The following EEFSEC variants were observed in gnomAD, a reference collection of about 807,000 sequenced individuals.
EEFSEC encodes the protein eukaryotic elongation factor, selenocysteine-tRNA specific, also known as selenocysteine-specific elongation factor.
EEFSEC carries 43 observed loss-of-function variants against 42.1 expected under a neutral mutation model. The ratio of observed to expected loss-of-function variants is 1.02; its 90% CI spans 0.80 to 1.32. The LOEUF is 1.32. Among genes scored for constraint, EEFSEC ranks in the 40% most tolerant of loss-of-function variants. The pLI, the probability that EEFSEC is intolerant of heterozygous loss-of-function variation, is 0.00. For synonymous variants in EEFSEC, 354 were observed against 339.1 expected, an observed-to-expected ratio of 1.04 and a Z score of -0.48; for missense variants, 745 against 803.6, an observed-to-expected ratio of 0.93 and a Z score of 0.88.
intron 1 of EEFSEC, among the ~76,000 whole-genome samples, chr3:128,154,164 G>T (rs1054990852): frequency 2.0e-5 from 3 of 151,922 alleles, no homozygotes; most frequent in Admixed American, 6.6e-5. Context: ...CTACAAAAAG[G>T]GTATACATAC....
At chr3:128,176,369 G>T (rs1390961156) in intron 1 of EEFSEC, among the ~76,000 whole-genome samples, 2 of 152,004 alleles carry the variant, frequency 1.3e-5, no homozygotes, top group Admixed American at 1.3e-4. Flanking sequence ...TGTGAGTGCA[G>T]TTAGAGTTAA....
chr3:128,341,853 G>T lies in EEFSEC; in HGVS notation c.1407G>T (p.Val469=), dbSNP rs1411515454. The change falls in exon 5 of 7, where the codon GTG becomes GTT. Residue 469 remains valine, a synonymous_variant. Transcript: ENST00000254730. ...ACAGCTTCCTGCCCAGGCTGAAGGT[G>T]TACAAGCTGAAGCACAAGCATGGCC... ...YADSFLPRLK[V]YKLKHKHGLV... 6.2e-7 allele frequency: 1 copy of T among 1,613,670 alleles called. No homozygotes were observed. Among genetic ancestry groups the T allele is most frequent in the African/African-American group, 1.3e-5 (1 of 74,948 alleles).
chr3:128,197,634 C>G (rs926218119), intron 1 of EEFSEC, among the ~76,000 whole-genome samples: 6 of 152,166 alleles, frequency 3.9e-5, no homozygotes, highest in African/African-American at 1.2e-4. Flanking sequence ...CCAATCTACA[C>G]TCCCACCATT....
chr3:128,371,786 CCCCATGGTAGGGG>C (rs2067656931), intron 6 of EEFSEC, among the ~76,000 whole-genome samples: 1 of 152,220 alleles, frequency 6.6e-6, no homozygotes, highest in Admixed American at 6.5e-5. Flanking sequence ...AGAGTCCCAG[CCCCATGGTAGGGG>C]CCCTACAGGG....
intron 1 of EEFSEC, among the ~76,000 whole-genome samples, chr3:128,183,782 C>T (rs1284618110): frequency 2.0e-5 from 3 of 152,108 alleles, no homozygotes; most frequent in Non-Finnish European, 2.9e-5. Context: ...GAGAGATATT[C>T]GAGAATTCTT....
intron 6 of EEFSEC, among the ~76,000 whole-genome samples, chr3:128,369,577 C>T (rs190112078): frequency 1.4e-4 from 21 of 152,290 alleles, no homozygotes; most frequent in Non-Finnish European, 1.5e-4. Context: ...TTTCAGCCCA[C>T]ACTGGGATGT....
chr3:128,225,191 C>T (rs1399758591), intron 1 of EEFSEC, among the ~76,000 whole-genome samples: 2 of 152,332 alleles, frequency 1.3e-5, no homozygotes, highest in South Asian at 2.1e-4. Flanking sequence ...AGCCCTAGGT[C>T]AGTGTCTTTT....
intron 5 of EEFSEC, among the ~76,000 whole-genome samples, chr3:128,350,490 CAG>C (rs1049482699): frequency 6.6e-6 from 1 of 152,226 alleles, no homozygotes; most frequent in Non-Finnish European, 1.5e-5. Context: ...TCCCCTGAAA[CAG>C]AGGTTGAGAA....
At chr3:128,303,245 A>G (rs1207467948) in intron 4 of EEFSEC, among the ~76,000 whole-genome samples, 2 of 152,212 alleles carry the variant, frequency 1.3e-5, no homozygotes, top group Non-Finnish European at 2.9e-5. Context: ...GATTATAGGC[A>G]TGACCCACTG....
downstream of EEFSEC, among the ~76,000 whole-genome samples, chr3:128,411,581 C>G (rs975625479): frequency 3.3e-5 from 5 of 152,212 alleles, no homozygotes; most frequent in African/African-American, 1.2e-4. Flanking sequence ...CCCTGGGCCC[C>G]CTCACCTGCC....
chr3:128,424,853 C>T, the EEFSEC span, among the ~76,000 whole-genome samples: 1 of 152,092 alleles, frequency 6.6e-6, no homozygotes, highest in Non-Finnish European at 1.5e-5. Context: ...CCCCAATCTC[C>T]TCCCCCACTC....
chr3:128,303,968 A>G (rs1259862138), intron 4 of EEFSEC, among the ~76,000 whole-genome samples: 2 of 152,128 alleles, frequency 1.3e-5, no homozygotes, highest in African/African-American at 4.8e-5. Context: ...TTTGTTAAGA[A>G]TTTAAGTCCA....
At chr3:128,276,003 G>T (rs528829330) in intron 4 of EEFSEC, among the ~76,000 whole-genome samples, 1 of 152,166 alleles carries the variant, frequency 6.6e-6, no homozygotes, top group Non-Finnish European at 1.5e-5. Context: ...CCTGGGTGCC[G>T]CTGCTCCCCA....
At chr3:128,262,259 C>G (rs754774089) in intron 3 of EEFSEC, 35 bp downstream of exon 3, 1 of 1,587,430 alleles carries the variant, frequency 6.3e-7, no homozygotes, top group African/African-American at 1.3e-5. Context: ...GCCCTTTAGC[C>G]CCAGCGCTGC....
At chr3:128,154,258 C>T (rs185196521) in intron 1 of EEFSEC, among the ~76,000 whole-genome samples, 35 of 152,130 alleles carry the variant, frequency 2.3e-4, no homozygotes, top group Admixed American at 1.2e-3. Flanking sequence ...TATATCATTT[C>T]AGAAAGGCTC....
chr3:128,233,496 C>T (rs2065979061), intron 1 of EEFSEC, among the ~76,000 whole-genome samples: 1 of 152,228 alleles, frequency 6.6e-6, no homozygotes, highest in Non-Finnish European at 1.5e-5. Context: ...AGCCAAAGAG[C>T]TCTTTAATCA....
At chr3:128,171,832 T>TA (rs34603135) in intron 1 of EEFSEC, among the ~76,000 whole-genome samples, 76,343 of 142,100 alleles carry the variant, frequency 0.54, 20,403 homozygotes, top group African/African-American at 0.67. Context: ...TTGAAAATAT[T>TA]AAAAAAAAAA....
intron 6 of EEFSEC, among the ~76,000 whole-genome samples, chr3:128,399,593 C>T (rs1237511215): frequency 6.6e-6 from 1 of 152,082 alleles, no homozygotes; most frequent in African/African-American, 2.4e-5. Context: ...GGAGCCGGCC[C>T]CCCCCAGCCA....
rs1272651525 is a variant in EEFSEC at position 128,211,524 on chromosome 3, CTTT to C, written c.317-35302_317-35300del. ...GACCAAAAGAGAAATACATATACTT[CTTT>C]TTTTTTTTTCTGGAGACAGAGTCTT... On this transcript the variant is annotated intron_variant, in intron 1 of 6. Coordinates refer to ENST00000254730, the MANE Select transcript of EEFSEC (RefSeq NM_021937.5). Among the ~76,000 whole-genome samples the C allele has an allele frequency of 2.9e-3, 424 of 146,596 alleles. 1 individual carries two copies. The highest frequency in any genetic ancestry group is 2.7e-3 in the Non-Finnish European group (178 of 66,160).
Sources: gnomAD v4.1 joint callset for allele counts (sites outside exome capture counted in the v4.1 genomes callset) on GRCh38, gnomAD v4.1.1 for gene constraint, MANE v1.5 for transcripts, NCBI Gene and HGNC (gene_info 2026-07-23, HGNC 2026-07-21) for gene names.